UGP2: variants seen among roughly 807,000 people sequenced by gnomAD.
The protein encoded by UGP2 is UTP--glucose-1-phosphate uridylyltransferase.
Under a neutral mutation model 49.0 loss-of-function variants are expected in UGP2, and 40 were observed. That is an observed-to-expected ratio of 0.82 (90% CI 0.63 to 1.06). The LOEUF is 1.06. Among genes scored for constraint, UGP2 ranks in the 50% least tolerant of loss-of-function variants. The probability of loss-of-function intolerance (pLI) is 0.00; values close to 1 mark genes in which losing one functional copy is unlikely to be tolerated. For missense variants in UGP2, 460 were observed against 603.5 expected (o/e 0.76, Z 2.49); for synonymous variants, 225 against 213.0 (o/e 1.06, Z -0.49).
chr2:63,859,379 T>A (rs937689984), intron 3 of UGP2, among the ~76,000 whole-genome samples: 8 of 152,180 alleles, frequency 5.3e-5, no homozygotes. Flanking sequence ...AGACAGAGCC[T>A]ACTTGAAGGA....
chr2:63,874,775 T>TAA (rs778160862), intron 3 of UGP2, among the ~76,000 whole-genome samples: 4 of 141,168 alleles, frequency 2.8e-5, no homozygotes, highest in South Asian at 2.3e-4. Flanking sequence ...ACTGATTGTT[T>TAA]AAAAAAAAAA....
chr2:63,863,055 A>G (rs1377192715), intron 3 of UGP2: 1 of 295,850 alleles, frequency 3.4e-6, no homozygotes, highest in African/African-American at 2.2e-5. Context: ...TGATAAGGAT[A>G]TGGGTCAGAT....
At chr2:63,868,154 T>C (rs1670300633) in intron 3 of UGP2, among the ~76,000 whole-genome samples, 2 of 152,230 alleles carry the variant, frequency 1.3e-5, no homozygotes. Flanking sequence ...AGGACTATTG[T>C]AGCTATTAAA....
chr2:63,856,449 C>T lies in UGP2; in HGVS notation c.147+16C>T. ...TGAATTTGAGGTAAGGAGGTTTCTA[C>T]AGTGTTCCACCCCCCCGCCCCTCCC... On this transcript the variant is annotated intron_variant, in intron 2 of 9. Transcript: ENST00000337130. 1.2e-6 allele frequency: 2 copies of T among 1,605,348 alleles called. No individual in the cohort carries two copies. The highest frequency in any genetic ancestry group is 8.5e-7 in the Non-Finnish European group (1 of 1,178,676).
chr2:63,850,703 T>C (rs971564696), intron 1 of UGP2, among the ~76,000 whole-genome samples: 4 of 152,172 alleles, frequency 2.6e-5, no homozygotes, highest in Admixed American at 2.6e-4. Flanking sequence ...TAAATCAGCC[T>C]CTGCTTGAGA....
At chr2:63,859,357 T>G (rs1669675235) in intron 3 of UGP2, 1 of 152,186 alleles carries the variant, frequency 6.6e-6, no homozygotes, top group Admixed American at 6.5e-5. Context: ...CTGTACAAAC[T>G]TAACTTTTCG....
At chr2:63,853,745 A>G (rs565159428) in intron 1 of UGP2, among the ~76,000 whole-genome samples, 8 of 152,302 alleles carry the variant, frequency 5.3e-5, no homozygotes, top group East Asian at 1.9e-4. Flanking sequence ...AGAAACAAAA[A>G]TATTCACTTG....
intron 1 of UGP2, among the ~76,000 whole-genome samples, chr2:63,853,556 G>A (rs1160725116): frequency 2.6e-5 from 4 of 152,088 alleles, no homozygotes; most frequent in African/African-American, 9.7e-5. Flanking sequence ...AGGTGGCCTA[G>A]GGATGGCTCT....
At chr2:63,847,228 T>G (rs1286057131) in intron 1 of UGP2, among the ~76,000 whole-genome samples, 2 of 152,182 alleles carry the variant, frequency 1.3e-5, no homozygotes, top group African/African-American at 4.8e-5. Flanking sequence ...AAAAGGAAAT[T>G]CAGGTGTTAT....
intron 3 of UGP2, among the ~76,000 whole-genome samples, chr2:63,869,816 A>G (rs192298544): frequency 1.1e-4 from 17 of 152,242 alleles, no homozygotes; most frequent in South Asian, 8.3e-4. Context: ...AAATGTTACA[A>G]ATTTTTGCCT....
intron 9 of UGP2, among the ~76,000 whole-genome samples, chr2:63,890,642 C>G (rs973335411): frequency 2.0e-5 from 3 of 152,130 alleles, no homozygotes; most frequent in Non-Finnish European, 4.4e-5. Context: ...AAGCTACTTA[C>G]TTAAATGAAG....
chr2:63,857,985 G>A (rs773493056), intron 3 of UGP2, 49 bp downstream of exon 3: 2 of 1,555,924 alleles, frequency 1.3e-6, no homozygotes, highest in Non-Finnish European at 1.8e-6. Context: ...CTTGGGCACT[G>A]GTTTTAACTT....
chr2:63,841,226 G>A (rs898646728), upstream of UGP2: 3 of 152,236 alleles, frequency 2.0e-5, no homozygotes, highest in African/African-American at 7.2e-5. Context: ...GCTAAAGGAA[G>A]AGGAAGGTGG....
At chr2:63,850,048 AGTG>A (rs1668945118) in intron 1 of UGP2, among the ~76,000 whole-genome samples, 1 of 152,216 alleles carries the variant, frequency 6.6e-6, no homozygotes. Flanking sequence ...CATAAAACAA[AGTG>A]GTATTATTTA....
intron 1 of UGP2, chr2:63,842,549 G>A: frequency 1.3e-6 from 2 of 1,516,542 alleles, no homozygotes; most frequent in Non-Finnish European, 1.8e-6. Flanking sequence ...GTACCTGTGC[G>A]TGCACGCAGA....
At chr2:63,854,184 T>G (rs1452432425) in intron 1 of UGP2, among the ~76,000 whole-genome samples, 1 of 152,212 alleles carries the variant, frequency 6.6e-6, no homozygotes, top group African/African-American at 2.4e-5. Flanking sequence ...TTCAACTATT[T>G]TCAACCTGTT....
intron 1 of UGP2, among the ~76,000 whole-genome samples, chr2:63,842,755 A>G (rs1326047205): frequency 6.6e-6 from 1 of 152,180 alleles, no homozygotes; most frequent in Non-Finnish European, 1.5e-5. Flanking sequence ...ACTTTGCTGC[A>G]TTGCTGTGTT....
chr2:63,850,941 C>T (rs1007371288), intron 1 of UGP2, among the ~76,000 whole-genome samples: 3 of 152,126 alleles, frequency 2.0e-5, no homozygotes, highest in Non-Finnish European at 4.4e-5. Flanking sequence ...ATCTCAGGCT[C>T]TGTGTTTGGC....
At chr2:63,868,865 T>G (rs1670357564) in intron 3 of UGP2, among the ~76,000 whole-genome samples, 1 of 151,918 alleles carries the variant, frequency 6.6e-6, no homozygotes, top group East Asian at 1.9e-4. Context: ...TCCCAGCTAC[T>G]TGGGAGGCTG....
Sources: gnomAD v4.1 joint callset for allele counts (sites outside exome capture counted in the v4.1 genomes callset) on GRCh38, gnomAD v4.1.1 for gene constraint, MANE v1.5 for transcripts, NCBI Gene and HGNC (gene_info 2026-07-23, HGNC 2026-07-21) for gene names.